Variants in PKNOX2 observed in about 807,000 individuals in gnomAD.
The protein encoded by PKNOX2 is homeobox protein PKNOX2.
Under a neutral mutation model 53.1 loss-of-function variants are expected in PKNOX2, and 14 were observed. The observed-to-expected ratio is 0.26, with a 90% CI of 0.17 to 0.41. The LOEUF is 0.41. PKNOX2 is among the 10% of genes least tolerant of loss of function. The pLI is 1.00. For synonymous variants in PKNOX2, 257 were observed against 242.8 expected, an observed-to-expected ratio of 1.06 and a Z score of -0.54; for missense variants, 496 against 602.8, an observed-to-expected ratio of 0.82 and a Z score of 1.85.
At chr11:125,215,458 C>T (rs1195119530) in intron 1 of PKNOX2, among the ~76,000 whole-genome samples, 2 of 152,052 alleles carry the variant, frequency 1.3e-5, no homozygotes, top group Non-Finnish European at 2.9e-5. Flanking sequence ...AGGATATAAA[C>T]TGCTATTTCC....
At chr11:125,203,441 A>G (rs572759667) in intron 1 of PKNOX2, among the ~76,000 whole-genome samples, 1 of 152,350 alleles carries the variant, frequency 6.6e-6, no homozygotes, top group East Asian at 1.9e-4. Flanking sequence ...TCTGGACATC[A>G]GGACAATTAC....
At chr11:125,354,159 T>C (rs1178879074) in intron 4 of PKNOX2, among the ~76,000 whole-genome samples, 1 of 152,186 alleles carries the variant, frequency 6.6e-6, no homozygotes, top group African/African-American at 2.4e-5. Context: ...TTTCGAGATA[T>C]GGACCCCAGC....
chr11:125,180,239 G>T (rs1956077954), intron 1 of PKNOX2, among the ~76,000 whole-genome samples: 2 of 152,208 alleles, frequency 1.3e-5, no homozygotes, highest in Admixed American at 6.5e-5. Flanking sequence ...AATCCCTTTT[G>T]TCCCCTCCCT....
chr11:125,306,380 C>T (rs1490724973), intron 2 of PKNOX2, among the ~76,000 whole-genome samples: 4 of 152,208 alleles, frequency 2.6e-5, no homozygotes, highest in Non-Finnish European at 5.9e-5. Context: ...GGTTTAGGTG[C>T]CATTGAAGTC....
intron 2 of PKNOX2, among the ~76,000 whole-genome samples, chr11:125,277,258 T>C (rs533617313): frequency 2.4e-4 from 36 of 152,056 alleles, no homozygotes; most frequent in African/African-American, 8.0e-4. Context: ...AAAACAATAA[T>C]AATAAAGGCT....
intron 2 of PKNOX2, among the ~76,000 whole-genome samples, chr11:125,248,871 T>TAA (rs914864586): frequency 7.9e-5 from 11 of 139,668 alleles, no homozygotes; most frequent in South Asian, 2.2e-4. Flanking sequence ...TATATATATA[T>TAA]AACGTATATA....
intron 8 of PKNOX2, 160 bp downstream of exon 8, chr11:125,410,485 G>C: frequency 9.6e-7 from 1 of 1,039,842 alleles, no homozygotes; most frequent in South Asian, 1.7e-5. Flanking sequence ...GACGGTTAGC[G>C]CCAAGACCCA....
At chr11:125,195,923 A>ACACACAC (rs1565466613) in intron 1 of PKNOX2, among the ~76,000 whole-genome samples, 2 of 144,104 alleles carry the variant, frequency 1.4e-5, no homozygotes, top group Admixed American at 6.9e-5. Flanking sequence ...ACACACACAC[A>ACACACAC]ATTCATTGAC....
chr11:125,294,742 C>G (rs1390096946), intron 2 of PKNOX2, among the ~76,000 whole-genome samples: 1 of 152,236 alleles, frequency 6.6e-6, no homozygotes, highest in Non-Finnish European at 1.5e-5. Context: ...GAGTCCACTT[C>G]TTCATCTGCA....
intron 10 of PKNOX2, among the ~76,000 whole-genome samples, chr11:125,415,731 G>C (rs1171870220): frequency 6.6e-6 from 1 of 152,162 alleles, no homozygotes; most frequent in Non-Finnish European, 1.5e-5. Context: ...TAGGAAAGAA[G>C]AGCGGAAAGG....
intron 10 of PKNOX2, among the ~76,000 whole-genome samples, chr11:125,417,065 C>T (rs1955924807): frequency 6.6e-6 from 1 of 152,058 alleles, no homozygotes; most frequent in African/African-American, 2.4e-5. Context: ...CTTGCTCTTG[C>T]ATTTGGCTGA....
chr11:125,410,786 C>A lies in PKNOX2; in HGVS notation c.726C>A (p.Ala242=). Residue 242 remains alanine, a synonymous_variant, in exon 9 of 13, where the codon GCC becomes GCA. Transcript: ENST00000298282. ...AACTGGTTGTCTCCTCAGGTGGAGC[C>A]TTATACCAACCGGTTACCATGGTAA... The part of the protein sequence containing the change: ...TVNSQVVSGG[A]LYQPVTMVTS... The A allele has an allele frequency of 1.2e-6, 2 of 1,613,970 alleles. No homozygotes were observed. Among genetic ancestry groups the A allele is most frequent in the Non-Finnish European group, 1.7e-6 (2 of 1,179,912 alleles).
At chr11:125,343,604 C>T (rs573936245) in intron 3 of PKNOX2, among the ~76,000 whole-genome samples, 245 of 152,298 alleles carry the variant, frequency 1.6e-3, no homozygotes, top group Non-Finnish European at 6.5e-4. Flanking sequence ...TGTTAAGCTC[C>T]TCGGTAGGAA....
chr11:125,288,957 T>C (rs1446137398), intron 2 of PKNOX2, among the ~76,000 whole-genome samples: 1 of 152,060 alleles, frequency 6.6e-6, no homozygotes, highest in Non-Finnish European at 1.5e-5. Context: ...GTCTCCATGG[T>C]AAAATTACCT....
intron 1 of PKNOX2, chr11:125,184,404 T>C (rs1219022645): frequency 2.0e-5 from 3 of 152,254 alleles, no homozygotes; most frequent in Non-Finnish European, 4.4e-5. Flanking sequence ...AGATTTGGAA[T>C]CTGGACCCAT....
chr11:125,304,119 T>C (rs1222763287), intron 2 of PKNOX2, among the ~76,000 whole-genome samples: 3 of 152,112 alleles, frequency 2.0e-5, no homozygotes. Context: ...GGGAAACACC[T>C]CAGGGCCTCC....
chr11:125,179,582 GC>G lies in PKNOX2; in HGVS notation c.-201+14807del, dbSNP rs200804781. ...GCAGCTGGGGTGCTGGGGCAGAGTGGCGGGTCAGGCGCGAGTCACTGAGCTG... is the reference window on the plus strand; with the variant it reads ...GCAGCTGGGGTGCTGGGGCAGAGTGGGGGTCAGGCGCGAGTCACTGAGCTG... On this transcript the variant is annotated intron_variant, in intron 1 of 12. Transcript: ENST00000298282. Among the ~76,000 whole-genome samples, 74 of 152,304 alleles carry G rather than the reference GC, an allele frequency of 4.9e-4. No homozygotes were observed. In the East Asian group the frequency reaches 0.014, roughly 28 times the overall value.
intron 1 of PKNOX2, among the ~76,000 whole-genome samples, chr11:125,221,618 A>T (rs1026826407): frequency 1.3e-5 from 2 of 152,208 alleles, no homozygotes; most frequent in Non-Finnish European, 2.9e-5. Context: ...TTAATAAATC[A>T]TATAGTGCCC....
chr11:125,369,787 T>G (rs1445528004), intron 5 of PKNOX2, among the ~76,000 whole-genome samples: 1 of 152,042 alleles, frequency 6.6e-6, no homozygotes, highest in Non-Finnish European at 1.5e-5. Flanking sequence ...GCTTGTGCTT[T>G]TGTGGGGAGC....
Sources: gnomAD v4.1 joint callset for allele counts (sites outside exome capture counted in the v4.1 genomes callset) on GRCh38, gnomAD v4.1.1 for gene constraint, MANE v1.5 for transcripts, NCBI Gene and HGNC (gene_info 2026-07-23, HGNC 2026-07-21) for gene names.